The following MEGF9 variants were observed in gnomAD, a reference collection of about 807,000 sequenced individuals.
The protein encoded by MEGF9 is multiple epidermal growth factor-like domains protein 9.
MEGF9 carries 6 observed loss-of-function variants against 46.8 expected under a neutral mutation model. The ratio of observed to expected loss-of-function variants is 0.13; its 90% CI spans 0.07 to 0.25. MEGF9 has a LOEUF of 0.25. Among genes scored for constraint, MEGF9 ranks in the 10% least tolerant of loss-of-function variants. The pLI is 1.00. For missense variants in MEGF9, 683 were observed against 792.4 expected (o/e 0.86, Z 1.66); for synonymous variants, 302 against 330.7 (o/e 0.91, Z 0.94).
At chr9:120,637,746 G>A (rs181587061) in intron 2 of MEGF9, among the ~76,000 whole-genome samples, 2,660 of 116,132 alleles carry the variant, frequency 0.023, 93 homozygotes, top group African/African-American at 0.082. Flanking sequence ...AGCCGAGATC[G>A]CACCATTGCA....
intron 1 of MEGF9, among the ~76,000 whole-genome samples, chr9:120,668,277 C>A (rs896400706): frequency 1.3e-5 from 2 of 152,074 alleles, no homozygotes; most frequent in African/African-American, 4.8e-5. Flanking sequence ...TTATGTTATG[C>A]CAAGGTATTG....
intron 2 of MEGF9, among the ~76,000 whole-genome samples, chr9:120,651,383 G>C (rs2043648626): frequency 6.6e-6 from 1 of 152,100 alleles, no homozygotes; most frequent in East Asian, 1.9e-4. Flanking sequence ...TAGTGGATAG[G>C]AGTATATACT....
chr9:120,651,939 T>C (rs2043651634), intron 2 of MEGF9, among the ~76,000 whole-genome samples: 1 of 151,284 alleles, frequency 6.6e-6, no homozygotes. Flanking sequence ...GCATGAGCCA[T>C]CGCGCCTGGC....
At chr9:120,622,262 T>G (rs1240711006) in intron 3 of MEGF9, among the ~76,000 whole-genome samples, 1 of 152,154 alleles carries the variant, frequency 6.6e-6, no homozygotes, top group Non-Finnish European at 1.5e-5. Context: ...AAAGAATTCC[T>G]TTGCTTGGGT....
At chr9:120,611,437 T>C (rs1313727846) in intron 4 of MEGF9, among the ~76,000 whole-genome samples, 1 of 152,056 alleles carries the variant, frequency 6.6e-6, no homozygotes, top group Admixed American at 6.6e-5. Flanking sequence ...TACTGAGACA[T>C]GTTATAACAT....
intron 1 of MEGF9, among the ~76,000 whole-genome samples, chr9:120,672,032 G>T (rs2043751526): frequency 6.6e-6 from 1 of 152,152 alleles, no homozygotes; most frequent in South Asian, 2.1e-4. Flanking sequence ...TGCAAGAAAA[G>T]ATTTTAAAAA....
chr9:120,708,318 T>C (rs2043937894), intron 1 of MEGF9, among the ~76,000 whole-genome samples: 1 of 151,782 alleles, frequency 6.6e-6, no homozygotes, highest in Non-Finnish European at 1.5e-5. Context: ...TGATCCGAGA[T>C]GGCACCACTG....
intron 3 of MEGF9, among the ~76,000 whole-genome samples, chr9:120,618,897 CA>C (rs1313292513): frequency 0.029 from 2,997 of 103,998 alleles, 79 homozygotes; most frequent in African/African-American, 0.089. Flanking sequence ...GACTCGGTCT[CA>C]AAAAAAAAAA....
chr9:120,652,613 C>T (rs1209549453), intron 2 of MEGF9, among the ~76,000 whole-genome samples: 1 of 150,986 alleles, frequency 6.6e-6, no homozygotes, highest in South Asian at 2.1e-4. Context: ...CACACACACA[C>T]GTATGTGCAC....
At chr9:120,635,728 G>C (rs575680515) in intron 2 of MEGF9, among the ~76,000 whole-genome samples, 14 of 151,926 alleles carry the variant, frequency 9.2e-5, no homozygotes, top group Admixed American at 6.6e-4. Flanking sequence ...ATCCTTTTCT[G>C]ATTGACTGAA....
intron 2 of MEGF9, among the ~76,000 whole-genome samples, chr9:120,635,933 ATC>A (rs1437014388): frequency 6.6e-6 from 1 of 152,058 alleles, no homozygotes; most frequent in African/African-American, 2.4e-5. Context: ...TGGTGGAACA[ATC>A]ATCTCTTCCT....
At chr9:120,694,113 C>A (rs1400885994) in intron 1 of MEGF9, among the ~76,000 whole-genome samples, 2 of 152,080 alleles carry the variant, frequency 1.3e-5, no homozygotes, top group Non-Finnish European at 2.9e-5. Flanking sequence ...GCAAAGGTGG[C>A]AGGGGCAAAA....
chr9:120,685,692 A>G (rs2043819229), intron 1 of MEGF9, among the ~76,000 whole-genome samples: 1 of 152,344 alleles, frequency 6.6e-6, no homozygotes, highest in South Asian at 2.1e-4. Context: ...TTAATTTACC[A>G]TATATGATTC....
At chr9:120,629,430 A>G (rs1200448547) in intron 2 of MEGF9, among the ~76,000 whole-genome samples, 1 of 152,150 alleles carries the variant, frequency 6.6e-6, no homozygotes, top group Non-Finnish European at 1.5e-5. Context: ...ACTTGAAGCC[A>G]GGAGTTCGAG....
chr9:120,644,591 C>T (rs1161543368), intron 2 of MEGF9, among the ~76,000 whole-genome samples: 1 of 152,160 alleles, frequency 6.6e-6, no homozygotes, highest in Non-Finnish European at 1.5e-5. Flanking sequence ...TTAATTTGAG[C>T]CAGTTTCTGC....
chr9:120,687,799 A>C (rs910153989), intron 1 of MEGF9, among the ~76,000 whole-genome samples: 7 of 150,972 alleles, frequency 4.6e-5, no homozygotes, highest in African/African-American at 1.7e-4. Context: ...AAAAAAAAAG[A>C]ACACCAGGAG....
intron 2 of MEGF9, among the ~76,000 whole-genome samples, chr9:120,645,239 C>A (rs1335782687): frequency 6.6e-6 from 1 of 152,138 alleles, no homozygotes; most frequent in Non-Finnish European, 1.5e-5. Flanking sequence ...ACTCTTGGGA[C>A]CGGCTTACAC....
chr9:120,668,348 G>A (rs2043734452), intron 1 of MEGF9, among the ~76,000 whole-genome samples: 2 of 152,144 alleles, frequency 1.3e-5, no homozygotes, highest in African/African-American at 4.8e-5. Context: ...CTTTAAACTA[G>A]ACTTTGTAGA....
Position 120,605,229 on chromosome 9 carries a change from C to T in MEGF9, c.1770G>A (p.Gln590=). The stretch of plus-strand genomic sequence containing the variant: ...TATGTATGGGCGTCGTCAGGGTCAG[C>T]TGCCCATTGGGAGCCACTTCATTGC... ...DDGNEVAPNG[Q]LTLTTPIHNY... Residue 590 remains glutamine (Q), a synonymous_variant, in exon 6 of 6, where the codon CAG becomes CAA. Transcript: ENST00000373930. The surrounding 1 kb of genome is among the most constrained non-coding windows in gnomAD (Gnocchi z 4.0). 1 of 1,613,948 alleles carries T rather than the reference C, an allele frequency of 6.2e-7. No individual in the cohort carries two copies. Among genetic ancestry groups the T allele is most frequent in the Non-Finnish European group, 8.5e-7 (1 of 1,179,840 alleles).
Sources: allele counts gnomAD v4.1 joint callset (sites outside exome capture counted in the v4.1 genomes callset), GRCh38; gene constraint gnomAD v4.1.1; non-coding constraint Gnocchi (gnomAD v3.1); transcripts MANE v1.5; gene names NCBI Gene and HGNC (gene_info 2026-07-23, HGNC 2026-07-21).